The following RPS6KA6 variants were observed in gnomAD, a reference collection of about 807,000 sequenced individuals.
RPS6KA6 encodes ribosomal protein S6 kinase alpha-6.
RPS6KA6 carries 27 observed loss-of-function variants against 65.4 expected under a neutral mutation model. That is an observed-to-expected ratio of 0.41 (90% CI 0.30 to 0.57). RPS6KA6 has a LOEUF of 0.57. RPS6KA6 is among the 20% of genes least tolerant of loss of function. The probability of loss-of-function intolerance (pLI) is 0.24; values close to 1 mark genes in which losing one functional copy is unlikely to be tolerated. For synonymous variants in RPS6KA6, 190 were observed against 184.2 expected (o/e 1.03, Z -0.26); for missense variants, 486 against 555.6 (o/e 0.87, Z 1.26).
chrX:84,104,367 T>G, intron 17 of RPS6KA6, 132 bp downstream of exon 17: 1 of 333,214 alleles, frequency 3.0e-6, no homozygotes, highest in Non-Finnish European at 5.1e-6. Flanking sequence ...CACTACATTG[T>G]GAGTTCTATT....
Position 84,068,676 on chromosome X carries a change from C to T in RPS6KA6, c.1972-3565G>A, listed in dbSNP as rs189962937. Among the ~76,000 whole-genome samples the T allele has an allele frequency of 3.2e-3, 361 of 112,072 alleles. 2 individuals carry two copies. The highest frequency in any genetic ancestry group is 5.9e-3 in the Non-Finnish European group (314 of 53,224). The stretch of plus-strand genomic sequence containing the variant: ...TAATTGTATATTCAGAAAACCCTAT[C>T]GTCTCAGCCTAAAAACTATTTATGC... On this transcript the variant is annotated intron_variant, in intron 20 of 21. Coordinates refer to ENST00000262752, the MANE Select transcript of RPS6KA6 (RefSeq NM_014496.5).
intron 8 of RPS6KA6, 86 bp from the exon 9 acceptor site, chrX:84,120,113 A>C (rs2034640323): frequency 3.1e-6 from 2 of 650,574 alleles, no homozygotes; most frequent in Admixed American, 4.1e-5. Flanking sequence ...TGTATTAAAC[A>C]TTACAATTAT....
chrX:84,118,277 C>T (rs1440992716), intron 9 of RPS6KA6, among the ~76,000 whole-genome samples: 6 of 111,322 alleles, frequency 5.4e-5, no homozygotes, highest in Non-Finnish European at 3.8e-5. Context: ...ATCTGCTGTT[C>T]AAGGCTTAAT....
intron 1 of RPS6KA6, among the ~76,000 whole-genome samples, chrX:84,169,753 T>C (rs1268505550): frequency 9.0e-6 from 1 of 111,308 alleles, no homozygotes; most frequent in Non-Finnish European, 1.9e-5. Context: ...AGATAAAAAG[T>C]GAGAATAAAT....
At chrX:84,172,662 C>T (rs1361994477) in intron 1 of RPS6KA6, among the ~76,000 whole-genome samples, 1 of 111,971 alleles carries the variant, frequency 8.9e-6, no homozygotes, top group African/African-American at 3.2e-5. Context: ...GATATTTGTA[C>T]ACCTATGTTC....
chrX:84,105,436 A>G (rs1010735690), intron 16 of RPS6KA6, among the ~76,000 whole-genome samples: 2 of 111,366 alleles, frequency 1.8e-5, no homozygotes, highest in African/African-American at 6.5e-5. Context: ...CAAGAAAGTA[A>G]AATATTCAAG....
chrX:84,119,264 G>A (rs1307738046), intron 9 of RPS6KA6, among the ~76,000 whole-genome samples: 3 of 111,762 alleles, frequency 2.7e-5, no homozygotes, highest in Non-Finnish European at 5.7e-5. Flanking sequence ...GTCATTTGAT[G>A]TGCTACTCAG....
At chrX:84,159,983 T>C (rs1184862153) in intron 2 of RPS6KA6, among the ~76,000 whole-genome samples, 1 of 111,152 alleles carries the variant, frequency 9.0e-6, no homozygotes, top group East Asian at 2.8e-4. Flanking sequence ...ATGCAGCATC[T>C]TGGGAAAATA....
chrX:84,126,473 A>C (rs2034787904), intron 8 of RPS6KA6, among the ~76,000 whole-genome samples: 1 of 111,645 alleles, frequency 9.0e-6, no homozygotes, highest in South Asian at 3.7e-4. Flanking sequence ...TATCGAACTT[A>C]ATCTGCACCA....
At chrX:84,156,261 A>G in intron 2 of RPS6KA6, 70 bp from the exon 3 acceptor site, 1 of 582,681 alleles carries the variant, frequency 1.7e-6, no homozygotes, top group Admixed American at 2.7e-5. Context: ...ATTTAAAATC[A>G]GAAGTCATAA....
intron 12 of RPS6KA6, among the ~76,000 whole-genome samples, chrX:84,114,953 T>C (rs967179248): frequency 1.8e-5 from 2 of 111,799 alleles, no homozygotes; most frequent in Non-Finnish European, 3.8e-5. Context: ...TTTACAATAA[T>C]TAACACAAGA....
At chrX:84,166,699 G>A (rs1011963402) in intron 1 of RPS6KA6, among the ~76,000 whole-genome samples, 1 of 111,241 alleles carries the variant, frequency 9.0e-6, no homozygotes, top group African/African-American at 3.3e-5. Context: ...TCATTCATAT[G>A]AAATAATGAA....
At chrX:84,095,455 T>C (rs2034133034) in intron 20 of RPS6KA6, among the ~76,000 whole-genome samples, 1 of 111,747 alleles carries the variant, frequency 8.9e-6, no homozygotes, top group African/African-American at 3.2e-5. Context: ...AGGCCAGTTA[T>C]GCTGAAACTT....
intron 20 of RPS6KA6, among the ~76,000 whole-genome samples, chrX:84,081,499 C>T (rs1435462692): frequency 9.0e-6 from 1 of 111,413 alleles, no homozygotes; most frequent in Non-Finnish European, 1.9e-5. Context: ...AAAAAAAGTC[C>T]AGGACAAGAC....
rs891352120 is a variant in RPS6KA6, at chrX:84,117,473, A to C, written c.790-19T>G. 3.9e-6 allele frequency: 4 copies of C among 1,031,769 alleles called. No individual in the cohort carries two copies. Among genetic ancestry groups the C allele is most frequent in the Non-Finnish European group, 5.3e-6 (4 of 758,882 alleles). The allele number at this position is 1,031,769 out of a possible 1,213,427, so 85.0% of individuals were successfully genotyped here. On this transcript the variant is annotated intron_variant, in intron 9 of 21. Coordinates refer to ENST00000262752, the MANE Select transcript of RPS6KA6 (RefSeq NM_014496.5). ...TTTCAAACTAAAACAAACAAACAAAACACACCACACAATTAGAACACCTTA... is the reference window on the plus strand; with the variant it reads ...TTTCAAACTAAAACAAACAAACAAACCACACCACACAATTAGAACACCTTA...
intron 12 of RPS6KA6, among the ~76,000 whole-genome samples, chrX:84,113,935 A>T (rs1450943810): frequency 8.9e-6 from 1 of 112,310 alleles, no homozygotes; most frequent in Non-Finnish European, 1.9e-5. Flanking sequence ...GTAATGTTTA[A>T]AAAAATAAAA....
chrX:84,154,766 C>G (rs1329366169), intron 3 of RPS6KA6, among the ~76,000 whole-genome samples: 1 of 111,048 alleles, frequency 9.0e-6, no homozygotes, highest in Admixed American at 9.6e-5. Context: ...ATCTCCTGTA[C>G]CAATTCACTG....
chrX:84,082,265 A>T (rs1281149017), intron 20 of RPS6KA6, among the ~76,000 whole-genome samples: 2 of 112,172 alleles, frequency 1.8e-5, no homozygotes, highest in Non-Finnish European at 3.8e-5. Context: ...ATACAAAATC[A>T]GTGTGCAAAA....
chrX:84,166,726 G>C (rs1218057856), intron 1 of RPS6KA6, among the ~76,000 whole-genome samples: 4 of 111,366 alleles, frequency 3.6e-5, no homozygotes, highest in African/African-American at 9.8e-5. Context: ...GAAATGTATA[G>C]AGACAGAAAG....
Sources: allele counts gnomAD v4.1 joint callset (sites outside exome capture counted in the v4.1 genomes callset), GRCh38; gene constraint gnomAD v4.1.1; transcripts MANE v1.5; gene names NCBI Gene and HGNC (gene_info 2026-07-23, HGNC 2026-07-21).